The following HIP1R variants were observed in gnomAD, a reference collection of about 807,000 sequenced individuals.
The protein encoded by HIP1R is huntingtin interacting protein 1 related.
HIP1R carries 135 observed loss-of-function variants against 144.2 expected under a neutral mutation model. That is an observed-to-expected ratio of 0.94 (90% CI 0.81 to 1.08). The LOEUF is 1.08. HIP1R is among the 50% of genes least tolerant of loss of function. The pLI is 0.00. For synonymous variants in HIP1R, 698 were observed against 612.8 expected (o/e 1.14, Z -2.05); for missense variants, 1,462 against 1,432.8 (o/e 1.02, Z -0.33).
chr12:122,835,489 C>G lies in HIP1R; in HGVS notation c.-62C>G, dbSNP rs1217297165. ...CCTCGCGGTGCCTAGGCTGGGGCTG[C>G]CGGACCGTGAGGCTGTGAGTCGCGC... is the stretch of plus-strand genomic sequence containing the variant. On this transcript the variant is annotated 5_prime_UTR_variant, in exon 1 of 32. Coordinates refer to ENST00000253083, the MANE Select transcript of HIP1R (RefSeq NM_003959.3). 12 of 1,229,882 alleles carry G rather than the reference C, an allele frequency of 9.8e-6. No homozygotes were observed. Among genetic ancestry groups the G allele is most frequent in the Non-Finnish European group, 1.2e-5 (12 of 979,904 alleles). The allele number at this position is 1,229,882 out of a possible 1,614,324, so 76.2% of individuals were successfully genotyped here. A position where few individuals can be genotyped will look rare whatever the true frequency, so the allele number is the denominator to read the frequency against.
chr12:122,855,432 C>T, intron 11 of HIP1R, 27 bp downstream of exon 11: 1 of 1,551,684 alleles, frequency 6.4e-7, no homozygotes, highest in Non-Finnish European at 8.7e-7. Flanking sequence ...GCCCGTGTCC[C>T]CCAGTCCTCC....
chr12:122,861,271 G>A (rs770687667), intron 30 of HIP1R, 37 bp from the exon 31 acceptor site: 17 of 1,613,512 alleles, frequency 1.1e-5, no homozygotes, highest in Non-Finnish European at 1.4e-5. Context: ...GCTCCCTGGG[G>A]AGGCTGGGCT....
rs1294274008 is a variant in HIP1R, at chr12:122,836,364, C to A, written c.93+721C>A. Among the ~76,000 whole-genome samples, 3 of 152,148 alleles carry A rather than the reference C, an allele frequency of 2.0e-5. No individual in the cohort carries two copies. The highest frequency in any genetic ancestry group is 7.2e-5 in the African/African-American group (3 of 41,434). The stretch of plus-strand genomic sequence containing the variant: ...GACAGAAACTTCCTGGGGCTCCCTT[C>A]CTGCGCCTCCCACGCTTGTAACTCT... On this transcript the variant is annotated intron_variant, in intron 1 of 31. Transcript: ENST00000253083. This position sits in a 1 kb window ranked among gnomAD's most constrained non-coding sequence, Gnocchi z 4.1.
At position 122,855,071 on chromosome 12, in the gene HIP1R, C is replaced by A; in HGVS notation, c.795C>A (p.Arg265=). 1 of 1,613,922 alleles carries A rather than the reference C, an allele frequency of 6.2e-7. No homozygotes were observed. The change falls in exon 10 of 32, where the codon CGC becomes CGA. Residue 265 remains arginine (R), a synonymous_variant. Transcript: ENST00000253083. ...TCTGCAGCCTCAGGAACTTCTTCCG[C>A]AGAGCCTCCGACATGCTGTACTTCA... ...EQFHSLRNFF[R]RASDMLYFKR...
chr12:122,858,568 G>C lies in HIP1R; in HGVS notation c.2050+133G>C, dbSNP rs887677120. 6.6e-6 allele frequency: 5 copies of C among 752,166 alleles called. No homozygotes were observed. In the African/African-American group the frequency reaches 8.8e-5, roughly 13 times the overall value. 46.6% of individuals were successfully genotyped at this position (752,166 alleles called of 1,614,324 possible). On this transcript the variant is annotated intron_variant, in intron 20 of 31. Transcript: ENST00000253083. ...GAAGCCAAGCAGATGCCCCCTGCCT[G>C]CTCCTTCCCAGGAACCCACCCCTGC...
rs1284197521 is a variant in HIP1R at position 122,855,582 on chromosome 12, G to A, written c.1025G>A (p.Gly342Glu). The change falls in exon 12 of 32, where the codon GGA becomes GAA. Residue 342 changes from glycine (G) to glutamate (E), a missense_variant. Coordinates refer to ENST00000253083, the MANE Select transcript of HIP1R (RefSeq NM_003959.3). ...GCTGACCTCTTCGATCAGACGTTTG[G>A]ACCCCCCAATGGGTCTGTGAAGGAC... ...VVADLFDQTF[G>E]PPNGSVKDDR... The A allele has an allele frequency of 1.3e-6, 2 of 1,549,580 alleles. No homozygotes were observed. Among genetic ancestry groups the A allele is most frequent in the African/African-American group, 1.4e-5 (1 of 72,986 alleles).
At chr12:122,854,326 A>T in intron 8 of HIP1R, 143 bp downstream of exon 8, 1 of 481,036 alleles carries the variant, frequency 2.1e-6, no homozygotes, top group Non-Finnish European at 3.3e-6. Flanking sequence ...TAATAGAAAT[A>T]ACATATATTT....
At chr12:122,845,236 C>T (rs1035379916) in intron 1 of HIP1R, among the ~76,000 whole-genome samples, 1 of 150,578 alleles carries the variant, frequency 6.6e-6, no homozygotes, top group Non-Finnish European at 1.5e-5. Context: ...TGGGACCTGG[C>T]GGGCTTCTCC....
intron 17 of HIP1R, 78 bp downstream of exon 17, chr12:122,856,804 C>A: frequency 7.9e-7 from 1 of 1,272,802 alleles, no homozygotes; most frequent in Non-Finnish European, 1.1e-6. Flanking sequence ...TTCCCGTGAA[C>A]AGGCCCCACC....
chr12:122,846,293 A>T (rs1290465897), intron 1 of HIP1R, among the ~76,000 whole-genome samples: 1 of 152,136 alleles, frequency 6.6e-6, no homozygotes, highest in Non-Finnish European at 1.5e-5. Flanking sequence ...CACTGCCTTT[A>T]TCCTTATTAG....
At chr12:122,858,564 G>C (rs2033667924) in intron 20 of HIP1R, 129 bp downstream of exon 20, 1 of 761,656 alleles carries the variant, frequency 1.3e-6, no homozygotes, top group Admixed American at 2.8e-5. Flanking sequence ...GATGCCCCCT[G>C]CCTGCTCCTT....
At position 122,861,420 on chromosome 12, in the gene HIP1R, T is replaced by C. The variant is rs745534104; in HGVS notation, c.3065T>C (p.Val1022Ala). 8 of 1,612,852 alleles carry C rather than the reference T, an allele frequency of 5.0e-6. No individual in the cohort carries two copies. Among genetic ancestry groups the C allele is most frequent in the East Asian group, 4.5e-5 (2 of 44,850 alleles). Residue 1022 changes from valine (V) to alanine (A), a missense_variant, in exon 31 of 32, where the codon GTG (valine) becomes GCG (alanine). Val to Ala is a moderately conservative substitution (Grantham distance 64). This residue lies in a region of HIP1R where 1,112 missense variants were observed against 1,011.7 expected (regional missense o/e 1.10). Coordinates refer to ENST00000253083, the MANE Select transcript of HIP1R (RefSeq NM_003959.3). ...GCATCAGGCAGCCCTGGAGAGGAGG[T>C]GGCCATCCGGCCCAGCACTGCCCCC... ...AGASGSPGEE[V>A]AIRPSTAPRS...
intron 6 of HIP1R, 73 bp from the exon 7 acceptor site, chr12:122,851,163 G>C (rs996314439): frequency 7.4e-5 from 99 of 1,335,324 alleles, no homozygotes; most frequent in Middle Eastern, 2.6e-4. Context: ...GTCCCCACTG[G>C]AGGGGGCGTC....
rs1318162598 is a variant in HIP1R, at chr12:122,856,314, C to A, written c.1371C>A (p.Leu457=). 2.5e-6 allele frequency: 4 copies of A among 1,613,768 alleles called. No homozygotes were observed. The highest frequency in any genetic ancestry group is 3.4e-6 in the Non-Finnish European group (4 of 1,180,014). ...YNKLKEKHSE[L]VHVHAELLRK... ...AGCTGAAGGAAAAGCACAGTGAGCT[C>A]GTCCATGTGCACGCGGAGCTGCTCA... is the stretch of plus-strand genomic sequence containing the variant. The change falls in exon 15 of 32, where the codon CTC becomes CTA. Residue 457 remains leucine (L), a synonymous_variant. Coordinates refer to ENST00000253083, the MANE Select transcript of HIP1R (RefSeq NM_003959.3).
At position 122,859,123 on chromosome 12, in the gene HIP1R, G is replaced by A; in HGVS notation, c.2221G>A (p.Asp741Asn). 1.3e-6 allele frequency: 2 copies of A among 1,595,650 alleles called. No homozygotes were observed. The highest frequency in any genetic ancestry group is 2.3e-5 in the South Asian group (2 of 88,704). Residue 741 changes from aspartate to asparagine, a missense_variant, in exon 22 of 32, where the codon GAC becomes AAC. Around this residue, in one of 2 missense-constraint regions of HIP1R, gnomAD observed 1,112 missense variants for 1,011.7 expected, o/e 1.10. Transcript: ENST00000253083. ...TCTGGAGCTCATGGGGCAGCTGCAG[G>A]ACCAGCAGGCTCTGCGGCACATGCA... ...RALELMGQLQ[D>N]QQALRHMQAS...
rs1237505546 is a variant in HIP1R at position 122,851,164 on chromosome 12, A to AG, written c.516-67dup. ...TCGGCGGTGCCCCCGTCCCCACTGG[A>AG]GGGGGCGTCTCAGGACGAGTGGGTG... On this transcript the variant is annotated intron_variant, in intron 6 of 31. Transcript: ENST00000253083. 3.0e-6 allele frequency: 4 copies of AG among 1,329,224 alleles called. No individual in the cohort carries two copies. In the African/African-American group the frequency reaches 4.6e-5, roughly 15 times the overall value. 82.3% of individuals were successfully genotyped at this position (1,329,224 alleles called of 1,614,324 possible). A position where few individuals can be genotyped will look rare whatever the true frequency, so the allele number is the denominator to read the frequency against.
chr12:122,861,775 G>A lies in HIP1R; in HGVS notation c.*22G>A, dbSNP rs1235679391. 3.7e-6 allele frequency: 6 copies of A among 1,612,692 alleles called. No homozygotes were observed. The East Asian group carries it at 1.3e-4, about 36-fold the overall frequency. On this transcript the variant is annotated 3_prime_UTR_variant, in exon 32 of 32. Transcript: ENST00000253083. ...CTAGGCCCCCCAGGGGTCCAGCAGG[G>A]TGGCTGGTGACAGGCCTGGGCCTCT... is the stretch of plus-strand genomic sequence containing the variant.
In HIP1R at chr12:122,861,209, G is replaced by GC. The variant is rs3215148; in HGVS notation, c.2952+21dup. The stretch of plus-strand genomic sequence containing the variant: ...GAGACCCAGGTAGGCGCCCATGGCT[G>GC]CCCCGTGACCTCTGAGCTCATCCCT... On this transcript the variant is annotated intron_variant, in intron 30 of 31. Coordinates refer to ENST00000253083, the MANE Select transcript of HIP1R (RefSeq NM_003959.3). 1,395,834 of 1,612,396 alleles carry GC rather than the reference G, an allele frequency of 0.87. 607,316 individuals carry two copies. The highest frequency in any genetic ancestry group is 0.92 in the Admixed American group (55,305 of 59,976).
intron 14 of HIP1R, 40 bp downstream of exon 14, chr12:122,856,203 C>G (rs757806417): frequency 1.2e-6 from 2 of 1,612,380 alleles, no homozygotes; most frequent in Non-Finnish European, 1.7e-6. Context: ...AGGGTGTGTC[C>G]CCAGCCCCTG....
Sources: gnomAD v4.1 joint callset for allele counts (sites outside exome capture counted in the v4.1 genomes callset) on GRCh38, gnomAD v4.1.1 for gene constraint, gnomAD v4.1.1 regional missense constraint, Gnocchi (gnomAD v3.1) non-coding constraint, MANE v1.5 for transcripts, NCBI Gene and HGNC (gene_info 2026-07-23, HGNC 2026-07-21) for gene names.